IL34: variants seen among roughly 807,000 people sequenced by gnomAD.
IL34 encodes the protein interleukin-34.
In IL34, 17 loss-of-function variants were observed where a neutral mutation model predicts 25.3. The ratio of observed to expected loss-of-function variants is 0.67; its 90% CI spans 0.46 to 1.01. IL34 has a LOEUF of 1.01. Ranked by LOEUF, IL34 falls within the 50% of genes least tolerant of loss-of-function variation. The probability of loss-of-function intolerance (pLI) is 0.00; values close to 1 mark genes in which losing one functional copy is unlikely to be tolerated. For synonymous variants in IL34, 174 were observed against 140.9 expected, an observed-to-expected ratio of 1.23 and a Z score of -1.66; for missense variants, 368 against 312.9, an observed-to-expected ratio of 1.18 and a Z score of -1.33.
chr16:70,640,334 A>G (rs934717383), intron 1 of IL34, among the ~76,000 whole-genome samples: 5 of 152,064 alleles, frequency 3.3e-5, no homozygotes, highest in Admixed American at 3.3e-4. Context: ...TTTTGTAGGG[A>G]CAGCCTCTTG....
At chr16:70,589,155 C>T (rs1387352494) in intron 1 of IL34, among the ~76,000 whole-genome samples, 1 of 151,916 alleles carries the variant, frequency 6.6e-6, no homozygotes, top group East Asian at 1.9e-4. Flanking sequence ...CAAGGTCACG[C>T]CATTGCACTC....
chr16:70,600,243 C>T (rs141705002), intron 1 of IL34, among the ~76,000 whole-genome samples: 56 of 152,308 alleles, frequency 3.7e-4, no homozygotes, highest in African/African-American at 1.3e-3. Flanking sequence ...TGCCACAAAG[C>T]CTGCTTGACC....
chr16:70,640,582 C>G (rs561449035), intron 1 of IL34, among the ~76,000 whole-genome samples: 3 of 150,778 alleles, frequency 2.0e-5, no homozygotes, highest in African/African-American at 4.9e-5. Context: ...CGAGATCTTG[C>G]CACTGCACTC....
intron 1 of IL34, among the ~76,000 whole-genome samples, chr16:70,609,089 A>T (rs2051053246): frequency 6.6e-6 from 1 of 151,236 alleles, no homozygotes; most frequent in Non-Finnish European, 1.5e-5. Flanking sequence ...TATTATTATT[A>T]TTTTTTGAGA....
intron 1 of IL34, among the ~76,000 whole-genome samples, chr16:70,621,067 G>A (rs925389167): frequency 6.6e-6 from 1 of 152,140 alleles, no homozygotes; most frequent in Non-Finnish European, 1.5e-5. Flanking sequence ...GTGGAAATAA[G>A]CAATTAGGGG....
chr16:70,615,340 C>G (rs1457205767), intron 1 of IL34, among the ~76,000 whole-genome samples: 1 of 151,988 alleles, frequency 6.6e-6, no homozygotes, highest in African/African-American at 2.4e-5. Flanking sequence ...AACCCCGTCT[C>G]TACTAAAAGT....
intron 1 of IL34, among the ~76,000 whole-genome samples, chr16:70,630,229 C>G (rs922876595): frequency 2.0e-5 from 3 of 151,798 alleles, no homozygotes; most frequent in African/African-American, 7.3e-5. Flanking sequence ...TCTACATTTT[C>G]TTTCCTTCTT....
chr16:70,627,934 AT>A (rs1228156756), intron 1 of IL34, among the ~76,000 whole-genome samples: 1 of 152,160 alleles, frequency 6.6e-6, no homozygotes, highest in Non-Finnish European at 1.5e-5. Flanking sequence ...ATGTATACAG[AT>A]TTCTGTTGGA....
At position 70,647,965 on chromosome 16, in the gene IL34, A is replaced by G. The variant is rs181136017; in HGVS notation, c.28+990A>G. 1.2e-3 allele frequency among the ~76,000 whole-genome samples: 179 copies of G among 152,340 alleles called. 1 individual carries two copies. In the Middle Eastern group the frequency reaches 0.024, roughly 20 times the overall value. On this transcript the variant is annotated intron_variant, in intron 1 of 5. Coordinates refer to ENST00000288098, the MANE Select transcript of IL34 (RefSeq NM_001393494.1). ...TGGTCACACAGGTAGACCTGGGGTC[A>G]TGAGGCCCATGTTCCAGGAAGAGGG...
chr16:70,591,708 A>C (rs2151808246), intron 1 of IL34, among the ~76,000 whole-genome samples: 1 of 152,174 alleles, frequency 6.6e-6, no homozygotes, highest in South Asian at 2.1e-4. Flanking sequence ...AGCCCTATAC[A>C]GGCACCATCT....
intron 1 of IL34, among the ~76,000 whole-genome samples, chr16:70,609,325 C>T (rs907756553): frequency 7.9e-5 from 12 of 152,018 alleles, no homozygotes; most frequent in African/African-American, 2.4e-4. Flanking sequence ...GTGATCTGCC[C>T]GCTTCTGCTT....
intron 1 of IL34, among the ~76,000 whole-genome samples, chr16:70,602,904 A>AGCTTTG (rs1189344110): frequency 6.6e-6 from 1 of 151,932 alleles, no homozygotes; most frequent in Non-Finnish European, 1.5e-5. Context: ...AGGTAGCCTT[A>AGCTTTG]GCTTTGTCCT....
At chr16:70,588,593 T>C (rs974156763) in intron 1 of IL34, among the ~76,000 whole-genome samples, 1 of 152,058 alleles carries the variant, frequency 6.6e-6, no homozygotes, top group African/African-American at 2.4e-5. Flanking sequence ...CTCAAAGAGA[T>C]ATTTGCCCAC....
At chr16:70,621,717 A>G (rs2051286726) in intron 1 of IL34, among the ~76,000 whole-genome samples, 1 of 152,050 alleles carries the variant, frequency 6.6e-6, no homozygotes, top group South Asian at 2.1e-4. Flanking sequence ...AGAGTCAGTG[A>G]AGGGAGATAA....
intron 1 of IL34, among the ~76,000 whole-genome samples, chr16:70,591,146 C>A (rs962053239): frequency 2.6e-5 from 4 of 152,248 alleles, no homozygotes; most frequent in Non-Finnish European, 4.4e-5. Flanking sequence ...AACTCTCTTG[C>A]AGGCCTCTAA....
chr16:70,657,301 A>G, intron 4 of IL34, 180 bp downstream of exon 4: 4 of 622,048 alleles, frequency 6.4e-6, no homozygotes, highest in African/African-American at 1.9e-5. Flanking sequence ...TGGAAGGAAG[A>G]GGCAGCCGTG....
intron 1 of IL34, among the ~76,000 whole-genome samples, chr16:70,623,735 A>G (rs1304444749): frequency 1.6e-4 from 24 of 151,698 alleles, no homozygotes; most frequent in Non-Finnish European, 4.4e-5. Context: ...ATAGTCAGGG[A>G]AGCAGATAAT....
intron 1 of IL34, among the ~76,000 whole-genome samples, chr16:70,621,077 G>T (rs990978869): frequency 3.3e-5 from 5 of 152,098 alleles, no homozygotes; most frequent in Non-Finnish European, 7.4e-5. Context: ...GCAATTAGGG[G>T]GTTCTTGCCC....
chr16:70,633,756 G>C (rs2051573095), intron 1 of IL34, among the ~76,000 whole-genome samples: 3 of 152,180 alleles, frequency 2.0e-5, no homozygotes, highest in African/African-American at 7.2e-5. Flanking sequence ...ATCTTTTCCT[G>C]TCTCTTCCCA....
Sources: allele counts gnomAD v4.1 joint callset (sites outside exome capture counted in the v4.1 genomes callset), GRCh38; gene constraint gnomAD v4.1.1; transcripts MANE v1.5; gene names NCBI Gene and HGNC (gene_info 2026-07-23, HGNC 2026-07-21).